DAB1: variants seen among roughly 807,000 people sequenced by gnomAD.
The protein encoded by DAB1 is disabled homolog 1.
Under a neutral mutation model 64.6 loss-of-function variants are expected in DAB1, and 15 were observed. The observed-to-expected ratio is 0.23, with a 90% CI of 0.16 to 0.36. DAB1 has a LOEUF of 0.36. DAB1 is among the 10% of genes least tolerant of loss of function. DAB1 has a pLI of 1.00. For synonymous variants in DAB1, 235 were observed against 251.9 expected, an observed-to-expected ratio of 0.93 and a Z score of 0.64; for missense variants, 596 against 706.7, an observed-to-expected ratio of 0.84 and a Z score of 1.78.
At chr1:57,306,223 C>T (rs893582558) in intron 1 of DAB1, among the ~76,000 whole-genome samples, 4 of 152,120 alleles carry the variant, frequency 2.6e-5, no homozygotes, top group African/African-American at 9.7e-5. Context: ...TTCCAAATAT[C>T]ACACTGTTTC....
intron 3 of DAB1, among the ~76,000 whole-genome samples, chr1:58,352,377 G>T (rs1280063644): frequency 6.6e-6 from 1 of 152,054 alleles, no homozygotes; most frequent in Admixed American, 6.6e-5. Flanking sequence ...AATGTATATT[G>T]AATATTTTAA....
chr1:58,534,730 T>C (rs987552807), intron 1 of DAB1, among the ~76,000 whole-genome samples: 1 of 152,108 alleles, frequency 6.6e-6, no homozygotes, highest in African/African-American at 2.4e-5. Context: ...AGCTCAGAAG[T>C]TCAAGACCAG....
chr1:57,006,823 A>G (rs1346067382), intron 14 of DAB1, among the ~76,000 whole-genome samples: 2 of 152,214 alleles, frequency 1.3e-5, no homozygotes, highest in Non-Finnish European at 2.9e-5. Context: ...CTTATAAAAC[A>G]CTTTCATACT....
intron 3 of DAB1, among the ~76,000 whole-genome samples, chr1:58,504,770 G>T (rs569960857): frequency 1.3e-5 from 2 of 151,940 alleles, no homozygotes; most frequent in African/African-American, 2.4e-5. Context: ...ACTGCATACC[G>T]TTTTTATTTT....
intron 6 of DAB1, among the ~76,000 whole-genome samples, chr1:57,676,772 GCTATCTCCT>G: frequency 6.6e-6 from 1 of 152,170 alleles, no homozygotes; most frequent in Non-Finnish European, 1.5e-5. Context: ...GGCTTTAAGT[GCTATCTCCT>G]CCGCTTGGAA....
intron 5 of DAB1, among the ~76,000 whole-genome samples, chr1:58,032,875 T>C (rs1328140370): frequency 6.6e-6 from 1 of 152,220 alleles, no homozygotes; most frequent in Non-Finnish European, 1.5e-5. Context: ...GAGCCTCTCA[T>C]AGCCTGGCCC....
intron 3 of DAB1, among the ~76,000 whole-genome samples, chr1:58,453,800 T>C (rs1052083550): frequency 6.6e-6 from 1 of 152,118 alleles, no homozygotes; most frequent in South Asian, 2.1e-4. Flanking sequence ...TTATTGATTG[T>C]AGGACTTCAC....
chr1:57,083,722 T>C (rs1269062249), intron 4 of DAB1, among the ~76,000 whole-genome samples: 2 of 152,118 alleles, frequency 1.3e-5, no homozygotes, highest in East Asian at 3.9e-4. Flanking sequence ...CAAGTTCCGG[T>C]GTCTTCATTT....
At chr1:58,250,459 G>GGTAGCAACAGCAGCA (rs1660759684) in intron 4 of DAB1, among the ~76,000 whole-genome samples, 1 of 152,204 alleles carries the variant, frequency 6.6e-6, no homozygotes, top group Non-Finnish European at 1.5e-5. Context: ...CAGAGGCAGC[G>GGTAGCAACAGCAGCA]GTAGCAACAG....
At chr1:57,134,462 C>T (rs1570754093) in intron 4 of DAB1, among the ~76,000 whole-genome samples, 1 of 129,376 alleles carries the variant, frequency 7.7e-6, no homozygotes, top group African/African-American at 2.8e-5. Context: ...CTAGTGAACA[C>T]CTGTAATCCC....
At chr1:57,892,507 A>G (rs1644331912) in intron 5 of DAB1, among the ~76,000 whole-genome samples, 1 of 152,222 alleles carries the variant, frequency 6.6e-6, no homozygotes, top group Non-Finnish European at 1.5e-5. Flanking sequence ...AAGCAAGGAA[A>G]CTGAAGCACA....
chr1:57,137,309 G>C (rs186784022), intron 3 of DAB1, among the ~76,000 whole-genome samples: 27 of 152,278 alleles, frequency 1.8e-4, no homozygotes, highest in African/African-American at 6.0e-4. Context: ...CTATGAGTTA[G>C]TGAGAAGGTA....
intron 5 of DAB1, among the ~76,000 whole-genome samples, chr1:57,912,534 A>C (rs994339918): frequency 6.6e-6 from 1 of 152,222 alleles, no homozygotes; most frequent in African/African-American, 2.4e-5. Flanking sequence ...AACTGGCACA[A>C]GACAGGGATG....
At chr1:57,409,899 G>A (rs1570470954) in intron 1 of DAB1, among the ~76,000 whole-genome samples, 2 of 152,154 alleles carry the variant, frequency 1.3e-5, no homozygotes, top group East Asian at 3.9e-4. Context: ...CTATGCTGTG[G>A]GATTTGACAA....
rs545012348 is a variant in DAB1, at chr1:57,337,863, C to CT, written c.-136-46698dup. 5.7e-3 allele frequency among the ~76,000 whole-genome samples: 795 copies of CT among 138,842 alleles called. 9 individuals are homozygous for CT. The highest frequency in any genetic ancestry group is 0.02 in the African/African-American group (728 of 37,194). The allele number at this position is 138,842 out of a possible 152,430, so 91.1% of individuals were successfully genotyped here. A position where few individuals can be genotyped will look rare whatever the true frequency, so the allele number is the denominator to read the frequency against. On this transcript the variant is annotated intron_variant, in intron 1 of 14. Transcript: ENST00000371236. ...CCTTTCCTTTTCCCTTTCCCTTTCC[C>CT]TTCCCTCCCCTCCCCTCCCTTCCCT...
At chr1:58,104,918 A>G (rs1382725431) in intron 5 of DAB1, among the ~76,000 whole-genome samples, 1 of 152,216 alleles carries the variant, frequency 6.6e-6, no homozygotes, top group African/African-American at 2.4e-5. Context: ...AAAACATCCT[A>G]TGGACTTTCA....
intron 3 of DAB1, among the ~76,000 whole-genome samples, chr1:58,366,112 C>T (rs1028150658): frequency 6.6e-6 from 1 of 152,186 alleles, no homozygotes; most frequent in African/African-American, 2.4e-5. Flanking sequence ...GACCAACCAG[C>T]CACTTGGTGG....
chr1:57,334,526 C>T (rs1570304772), intron 1 of DAB1, among the ~76,000 whole-genome samples: 1 of 152,206 alleles, frequency 6.6e-6, no homozygotes, highest in Non-Finnish European at 1.5e-5. Flanking sequence ...ATAGCAAATG[C>T]TTGTACCTTA....
chr1:57,309,047 AT>A (rs1344660011), intron 1 of DAB1, among the ~76,000 whole-genome samples: 2 of 152,062 alleles, frequency 1.3e-5, no homozygotes, highest in Admixed American at 6.6e-5. Context: ...ATATTATGAA[AT>A]TTTTTTGTGA....
Sources: allele counts gnomAD v4.1 joint callset (sites outside exome capture counted in the v4.1 genomes callset), GRCh38; gene constraint gnomAD v4.1.1; transcripts MANE v1.5; gene names NCBI Gene and HGNC (gene_info 2026-07-23, HGNC 2026-07-21).